The following ASIC2 variants were observed in gnomAD, a reference collection of about 807,000 sequenced individuals.
The protein encoded by ASIC2 is acid-sensing ion channel 2.
A neutral mutation model predicts 57.3 loss-of-function variants in ASIC2; 25 were observed. That is an observed-to-expected ratio of 0.44 (90% CI 0.32 to 0.61). The LOEUF is 0.61. ASIC2 is among the 20% of genes least tolerant of loss of function. ASIC2 has a pLI of 0.06. For missense variants in ASIC2, 641 were observed against 738.1 expected (o/e 0.87, Z 1.52); for synonymous variants, 319 against 307.5 (o/e 1.04, Z -0.39).
chr17:33,576,124 G>A (rs1182468374), intron 1 of ASIC2, among the ~76,000 whole-genome samples: 1 of 152,032 alleles, frequency 6.6e-6, no homozygotes, highest in Non-Finnish European at 1.5e-5. Context: ...TTAGAAGTCC[G>A]CCTAGACCAG....
intron 1 of ASIC2, among the ~76,000 whole-genome samples, chr17:33,449,154 T>C (rs1912151282): frequency 6.6e-6 from 1 of 152,204 alleles, no homozygotes; most frequent in Admixed American, 6.5e-5. Context: ...CCCTTTGAGG[T>C]TGAGAATAAC....
intron 1 of ASIC2, among the ~76,000 whole-genome samples, chr17:33,546,218 CAT>C (rs1915574401): frequency 6.6e-6 from 1 of 150,750 alleles, no homozygotes; most frequent in Non-Finnish European, 1.5e-5. Context: ...TAGACACACA[CAT>C]ATGCACAAAT....
chr17:34,139,993 T>C (rs1456848778), intron 1 of ASIC2, among the ~76,000 whole-genome samples: 1 of 152,140 alleles, frequency 6.6e-6, no homozygotes, highest in Non-Finnish European at 1.5e-5. Flanking sequence ...AGAGACAAAA[T>C]AACCAAATGC....
intron 1 of ASIC2, among the ~76,000 whole-genome samples, chr17:33,704,941 C>T (rs1908818725): frequency 1.3e-5 from 2 of 152,176 alleles, no homozygotes; most frequent in Admixed American, 1.3e-4. Context: ...GGTTTTGAAA[C>T]CCCACAAAAC....
At chr17:33,326,059 C>T (rs139215433) in intron 1 of ASIC2, among the ~76,000 whole-genome samples, 1 of 152,312 alleles carries the variant, frequency 6.6e-6, no homozygotes, top group East Asian at 1.9e-4. Context: ...GGTTAAGAAA[C>T]TTGGTCAAGG....
At chr17:33,110,799 G>T (rs989824946) in intron 2 of ASIC2, among the ~76,000 whole-genome samples, 3 of 152,022 alleles carry the variant, frequency 2.0e-5, no homozygotes, top group Non-Finnish European at 4.4e-5. Flanking sequence ...TAGGGGCTGG[G>T]CTACTGGGGC....
chr17:33,608,270 G>A (rs56088048), intron 1 of ASIC2, among the ~76,000 whole-genome samples: 3,147 of 152,242 alleles, frequency 0.021, 54 homozygotes, highest in East Asian at 0.071. Context: ...GGGTGAGTGT[G>A]AGGTTCTGAG....
At chr17:33,033,352 G>C (rs2091893784) in intron 3 of ASIC2, among the ~76,000 whole-genome samples, 1 of 152,128 alleles carries the variant, frequency 6.6e-6, no homozygotes, top group Admixed American at 6.5e-5. Context: ...TGCCTTCCTG[G>C]GGGTGCAGCT....
At chr17:33,987,654 TAACC>T (rs61329146) in intron 1 of ASIC2, among the ~76,000 whole-genome samples, 1 of 151,502 alleles carries the variant, frequency 6.6e-6, no homozygotes, top group Non-Finnish European at 1.5e-5. Flanking sequence ...ACCAACCAAC[TAACC>T]AACCAACCAA....
intron 1 of ASIC2, among the ~76,000 whole-genome samples, chr17:33,131,152 G>C (rs1567756372): frequency 6.6e-6 from 1 of 152,128 alleles, no homozygotes. Context: ...GGATCCAATG[G>C]GCAGAACGGG....
chr17:33,909,527 C>G (rs1915417394), intron 1 of ASIC2, among the ~76,000 whole-genome samples: 1 of 152,144 alleles, frequency 6.6e-6, no homozygotes, highest in East Asian at 1.9e-4. Context: ...GCTATGGAGC[C>G]CATAGGCTGG....
At position 33,862,165 on chromosome 17, in the gene ASIC2, G is replaced by A. The variant is rs539701108; in HGVS notation, c.555+293813C>T. Among the ~76,000 whole-genome samples, 9 of 152,310 alleles carry A rather than the reference G, an allele frequency of 5.9e-5. No homozygotes were observed. In the East Asian group the frequency reaches 1.7e-3, roughly 29 times the overall value. On this transcript the variant is annotated intron_variant, in intron 1 of 9. Transcript: ENST00000359872. ...TCCTTCAATGTCCAGCTAACATGCA[G>A]CCTCTTCGGTAGCTGAGTCAGACTC...
intron 1 of ASIC2, among the ~76,000 whole-genome samples, chr17:33,902,791 C>T (rs569096753): frequency 9.2e-5 from 14 of 152,292 alleles, no homozygotes; most frequent in South Asian, 4.1e-4. Flanking sequence ...AGACCCAATT[C>T]TTCAAGAAGA....
At chr17:33,864,374 A>G (rs954229972) in intron 1 of ASIC2, among the ~76,000 whole-genome samples, 4 of 152,210 alleles carry the variant, frequency 2.6e-5, no homozygotes, top group Non-Finnish European at 5.9e-5. Context: ...GAAAGTGTGG[A>G]AATTACCTAA....
chr17:33,128,188 A>G (rs1018953146), intron 1 of ASIC2, among the ~76,000 whole-genome samples: 2 of 152,210 alleles, frequency 1.3e-5, no homozygotes, highest in Non-Finnish European at 2.9e-5. Context: ...GGGCTTTGCC[A>G]GCACCCTGTG....
At chr17:33,087,784 T>G (rs967234871) in intron 3 of ASIC2, among the ~76,000 whole-genome samples, 3 of 151,890 alleles carry the variant, frequency 2.0e-5, no homozygotes, top group African/African-American at 7.3e-5. Context: ...GTCTTGAATT[T>G]CTGGGCTCAA....
chr17:34,087,032 C>T (rs4491581), intron 1 of ASIC2, among the ~76,000 whole-genome samples: 27,109 of 151,854 alleles, frequency 0.18, 3,041 homozygotes, highest in African/African-American at 0.32. Flanking sequence ...GCATTTAGTC[C>T]ATTTACATTT....
At chr17:33,399,982 C>G (rs1910223801) in intron 1 of ASIC2, among the ~76,000 whole-genome samples, 1 of 152,074 alleles carries the variant, frequency 6.6e-6, no homozygotes, top group Non-Finnish European at 1.5e-5. Context: ...GAGAAGGTAA[C>G]AAAATAAGCA....
intron 1 of ASIC2, among the ~76,000 whole-genome samples, chr17:33,899,294 G>A (rs969840760): frequency 6.6e-6 from 1 of 152,180 alleles, no homozygotes; most frequent in Non-Finnish European, 1.5e-5. Flanking sequence ...CCGAGATGGG[G>A]GTAGTGAAGC....
Sources: gnomAD v4.1 joint callset for allele counts (sites outside exome capture counted in the v4.1 genomes callset) on GRCh38, gnomAD v4.1.1 for gene constraint, MANE v1.5 for transcripts, NCBI Gene and HGNC (gene_info 2026-07-23, HGNC 2026-07-21) for gene names.